ALK: variants seen among roughly 807,000 people sequenced by gnomAD.
The protein encoded by ALK is ALK receptor tyrosine kinase.
Under a neutral mutation model 163.1 loss-of-function variants are expected in ALK, and 74 were observed. The observed-to-expected ratio is 0.45, with a 90% CI of 0.38 to 0.55. The LOEUF is 0.55. ALK is among the 20% of genes least tolerant of loss of function. The pLI is 0.00. For synonymous variants in ALK, 960 were observed against 843.2 expected (o/e 1.14, Z -2.40); for missense variants, 2,063 against 2,105.3 (o/e 0.98, Z 0.39).
intron 4 of ALK, among the ~76,000 whole-genome samples, chr2:29,497,207 G>A (rs1672051446): frequency 6.6e-6 from 1 of 152,064 alleles, no homozygotes; most frequent in Admixed American, 6.5e-5. Flanking sequence ...GGGAGACGGA[G>A]GTTGCAGTGA....
At chr2:29,214,466 T>TAAAC (rs1345778313) in intron 23 of ALK, among the ~76,000 whole-genome samples, 1 of 152,186 alleles carries the variant, frequency 6.6e-6, no homozygotes, top group Non-Finnish European at 1.5e-5. Context: ...CCCCAATTTA[T>TAAAC]AAACAAGTTT....
intron 2 of ALK, among the ~76,000 whole-genome samples, chr2:29,708,218 C>T (rs1369587093): frequency 6.6e-6 from 1 of 152,150 alleles, no homozygotes; most frequent in Non-Finnish European, 1.5e-5. Context: ...CAGGTGCCTG[C>T]CACCATGCCC....
At chr2:29,258,295 G>C (rs1454165101) in intron 11 of ALK, among the ~76,000 whole-genome samples, 2 of 152,074 alleles carry the variant, frequency 1.3e-5, no homozygotes, top group African/African-American at 4.8e-5. Flanking sequence ...TCTTTCATCA[G>C]GAGATACTTT....
At chr2:29,566,130 C>T (rs1482043678) in intron 3 of ALK, among the ~76,000 whole-genome samples, 1 of 152,172 alleles carries the variant, frequency 6.6e-6, no homozygotes, top group African/African-American at 2.4e-5. Flanking sequence ...GCCACCCACC[C>T]AGGGTCACCC....
At chr2:29,387,970 G>T (rs1338352860) in intron 4 of ALK, among the ~76,000 whole-genome samples, 1 of 152,226 alleles carries the variant, frequency 6.6e-6, no homozygotes, top group Non-Finnish European at 1.5e-5. Flanking sequence ...AGACAGAGAA[G>T]AATATGTCTA....
chr2:29,880,361 A>G lies in ALK; in HGVS notation c.667+39632T>C, dbSNP rs149872035. ...AATGGGGTGATGGTCTGACCTCAGAAGGAAGCAGGAAGTCGGGGTGTATCA... is the reference window on the plus strand; with the variant it reads ...AATGGGGTGATGGTCTGACCTCAGAGGGAAGCAGGAAGTCGGGGTGTATCA... On this transcript the variant is annotated intron_variant, in intron 1 of 28. Transcript: ENST00000389048. Among the ~76,000 whole-genome samples, 185 of 152,310 alleles carry G rather than the reference A, an allele frequency of 1.2e-3. 1 individual carries two copies. Among genetic ancestry groups the G allele is most frequent in the Non-Finnish European group, 2.2e-3 (148 of 68,028 alleles).
intron 4 of ALK, among the ~76,000 whole-genome samples, chr2:29,489,861 T>C (rs920455100): frequency 6.6e-6 from 1 of 152,178 alleles, no homozygotes; most frequent in Admixed American, 6.5e-5. Flanking sequence ...AAAGTGGCCC[T>C]GCAAAAGAAA....
chr2:29,369,994 G>A (rs17007980), intron 5 of ALK, among the ~76,000 whole-genome samples: 15,371 of 152,190 alleles, frequency 0.1, 820 homozygotes, highest in East Asian at 0.14. Context: ...GTTGACACAC[G>A]TGCACAGTGG....
chr2:29,768,577 A>T (rs915658305), intron 1 of ALK, among the ~76,000 whole-genome samples: 1 of 152,224 alleles, frequency 6.6e-6, no homozygotes, highest in African/African-American at 2.4e-5. Context: ...TTAATTAAAA[A>T]TGATAAATCT....
chr2:29,566,402 G>C (rs1217496351), intron 3 of ALK, among the ~76,000 whole-genome samples: 1 of 152,198 alleles, frequency 6.6e-6, no homozygotes, highest in African/African-American at 2.4e-5. Context: ...AAGAAGCTCT[G>C]CATATACTGA....
At chr2:29,465,273 T>G (rs565038702) in intron 4 of ALK, among the ~76,000 whole-genome samples, 3 of 152,314 alleles carry the variant, frequency 2.0e-5, no homozygotes, top group South Asian at 2.1e-4. Context: ...AATAGAGCAA[T>G]ATCTTTAAAG....
At chr2:29,211,860 A>G (rs924312803) in intron 24 of ALK, among the ~76,000 whole-genome samples, 1 of 152,240 alleles carries the variant, frequency 6.6e-6, no homozygotes, top group South Asian at 2.1e-4. Flanking sequence ...TAATTTCTTA[A>G]AAAGGAGAAA....
chr2:29,659,691 C>G (rs912015628), intron 3 of ALK, among the ~76,000 whole-genome samples: 1 of 152,106 alleles, frequency 6.6e-6, no homozygotes, highest in Admixed American at 6.6e-5. Context: ...AACATCTGTC[C>G]CCAGAGACCA....
chr2:29,265,400 G>A (rs577912179), intron 11 of ALK, among the ~76,000 whole-genome samples: 1 of 152,258 alleles, frequency 6.6e-6, no homozygotes, highest in Non-Finnish European at 1.5e-5. Context: ...TGACGAAATG[G>A]ATTGGCTGGT....
intron 2 of ALK, among the ~76,000 whole-genome samples, chr2:29,710,199 C>A (rs1679035030): frequency 6.6e-6 from 1 of 152,158 alleles, no homozygotes; most frequent in African/African-American, 2.4e-5. Context: ...ATCTTACTTA[C>A]CACAAAATGC....
chr2:29,584,215 A>C (rs1367517839), intron 3 of ALK, among the ~76,000 whole-genome samples: 7 of 152,168 alleles, frequency 4.6e-5, no homozygotes, highest in Non-Finnish European at 4.4e-5. Flanking sequence ...CTGAAGGGCA[A>C]GGATGCAGGG....
intron 1 of ALK, among the ~76,000 whole-genome samples, chr2:29,817,057 T>C (rs772570158): frequency 2.7e-4 from 41 of 152,152 alleles, no homozygotes; most frequent in Non-Finnish European, 2.2e-4. Context: ...CCATTCCTCT[T>C]TTACAGAGGA....
At chr2:29,749,439 A>G (rs1242058151) in intron 1 of ALK, among the ~76,000 whole-genome samples, 1 of 152,210 alleles carries the variant, frequency 6.6e-6, no homozygotes, top group Non-Finnish European at 1.5e-5. Context: ...CAGAGAACAA[A>G]TACTCCAAAG....
At chr2:29,851,370 C>G (rs1459066524) in intron 1 of ALK, among the ~76,000 whole-genome samples, 1 of 152,208 alleles carries the variant, frequency 6.6e-6, no homozygotes, top group African/African-American at 2.4e-5. Context: ...ACACTGGACT[C>G]ATTTCAATTT....
Sources: allele counts gnomAD v4.1 joint callset (sites outside exome capture counted in the v4.1 genomes callset), GRCh38; gene constraint gnomAD v4.1.1; transcripts MANE v1.5; gene names NCBI Gene and HGNC (gene_info 2026-07-23, HGNC 2026-07-21).